LCMT1: variants seen among roughly 807,000 people sequenced by gnomAD.
LCMT1 encodes the protein [Phosphatase 2A protein]-leucine-carboxy methyltransferase 1.
A neutral mutation model predicts 47.7 loss-of-function variants in LCMT1; 32 were observed. That is an observed-to-expected ratio of 0.67 (90% confidence interval 0.51 to 0.90). LCMT1 has a LOEUF of 0.90. Among genes scored for constraint, LCMT1 ranks in the 40% least tolerant of loss-of-function variants. The pLI is 0.00. For synonymous variants in LCMT1, 152 were observed against 149.7 expected (o/e 1.02, Z -0.11); for missense variants, 375 against 415.2 (o/e 0.90, Z 0.84).
chr16:25,144,149 A>G (rs1415691900), intron 4 of LCMT1: 1 of 152,252 alleles, frequency 6.6e-6, no homozygotes, highest in African/African-American at 2.4e-5. Flanking sequence ...GAGAAGTTGG[A>G]TTGGATCCTT....
chr16:25,124,964 G>A (rs759545738), intron 1 of LCMT1, among the ~76,000 whole-genome samples: 3 of 152,228 alleles, frequency 2.0e-5, no homozygotes, highest in Non-Finnish European at 4.4e-5. Context: ...AAATTGAACA[G>A]GTGGCATGTG....
At chr16:25,112,090 A>G in intron 1 of LCMT1, 94 bp downstream of exon 1, 5 of 823,246 alleles carry the variant, frequency 6.1e-6, no homozygotes, top group Middle Eastern at 2.2e-4. Context: ...CAAGGCTGGC[A>G]GGGATGCAGC....
At chr16:25,162,864 G>A (rs1169858934) in intron 6 of LCMT1, among the ~76,000 whole-genome samples, 13 of 96,810 alleles carry the variant, frequency 1.3e-4, no homozygotes, top group East Asian at 9.4e-4. Flanking sequence ...TATGCTATGC[G>A]TATAATTTTG....
chr16:25,160,743 C>A, intron 5 of LCMT1: 2 of 525,580 alleles, frequency 3.8e-6, no homozygotes, highest in Non-Finnish European at 7.6e-6. Context: ...AGAAGGATGT[C>A]CCTGATGCTG....
intron 4 of LCMT1, chr16:25,149,117 A>G (rs1354664152): frequency 6.6e-6 from 1 of 152,260 alleles, no homozygotes; most frequent in Non-Finnish European, 1.5e-5. Context: ...GCCAGAGGCA[A>G]CAAGGCTGTA....
intron 6 of LCMT1, among the ~76,000 whole-genome samples, chr16:25,164,197 CT>C (rs1961518071): frequency 6.6e-6 from 1 of 152,244 alleles, no homozygotes; most frequent in South Asian, 2.1e-4. Flanking sequence ...ATCATGTTTG[CT>C]ACTGTCCTGT....
intron 1 of LCMT1, among the ~76,000 whole-genome samples, chr16:25,123,162 A>G (rs1392900883): frequency 6.6e-6 from 1 of 151,220 alleles, no homozygotes; most frequent in Non-Finnish European, 1.5e-5. Context: ...CCCCATACCA[A>G]CTATTTAATG....
intron 1 of LCMT1, among the ~76,000 whole-genome samples, chr16:25,127,164 A>G (rs981568890): frequency 6.6e-6 from 1 of 152,226 alleles, no homozygotes; most frequent in Non-Finnish European, 1.5e-5. Flanking sequence ...AAGAGTAAGC[A>G]TCATAAATGT....
At position 25,132,858 on chromosome 16, in the gene LCMT1, C is replaced by CTTTTTTTTTTTT. The variant is rs34311865; in HGVS notation, c.327+341_327+352dup. 2.8e-3 allele frequency among the ~76,000 whole-genome samples: 387 copies of CTTTTTTTTTTTT among 140,504 alleles called. 10 individuals carry two copies. Among genetic ancestry groups the CTTTTTTTTTTTT allele is most frequent in the African/African-American group, 9.9e-3 (367 of 36,916 alleles). The allele number at this position is 140,504 out of a possible 152,430, so 92.2% of individuals were successfully genotyped here. ...GGAGAGCTCATGCATGCATTTGTAA[C>CTTTTTTTTTTTT]TTTTTTTTTTTTTTTTTGAGCCAGA... On this transcript the variant is annotated intron_variant, in intron 3 of 10. Coordinates refer to ENST00000399069, the MANE Select transcript of LCMT1 (RefSeq NM_016309.3).
chr16:25,115,769 C>T (rs1959765179), intron 1 of LCMT1, among the ~76,000 whole-genome samples: 1 of 152,170 alleles, frequency 6.6e-6, no homozygotes, highest in African/African-American at 2.4e-5. Flanking sequence ...CCTCTCCCTC[C>T]CGGGTTCAAG....
At chr16:25,124,744 G>T (rs1325635863) in intron 1 of LCMT1, among the ~76,000 whole-genome samples, 1 of 152,208 alleles carries the variant, frequency 6.6e-6, no homozygotes, top group Non-Finnish European at 1.5e-5. Flanking sequence ...GTGGAGACAG[G>T]TCTCAGTCAG....
chr16:25,119,508 C>T (rs551047985), intron 1 of LCMT1, among the ~76,000 whole-genome samples: 3 of 152,182 alleles, frequency 2.0e-5, no homozygotes, highest in East Asian at 3.9e-4. Context: ...GAGGTCTTAA[C>T]GTTCTGGTTT....
chr16:25,124,500 G>A (rs1960098185), intron 1 of LCMT1, among the ~76,000 whole-genome samples: 1 of 152,318 alleles, frequency 6.6e-6, no homozygotes, highest in Middle Eastern at 3.4e-3. Context: ...GGATCTTATG[G>A]GGGTTCCTAT....
chr16:25,136,654 A>AT (rs1032206561), intron 3 of LCMT1, among the ~76,000 whole-genome samples: 1 of 151,964 alleles, frequency 6.6e-6, no homozygotes, highest in African/African-American at 2.4e-5. Flanking sequence ...GGTTCAAGCG[A>AT]TTCTCCTGCC....
chr16:25,121,442 AT>A (rs914723971), intron 1 of LCMT1, among the ~76,000 whole-genome samples: 21 of 152,148 alleles, frequency 1.4e-4, no homozygotes, highest in African/African-American at 3.6e-4. Flanking sequence ...ATTTCAAATT[AT>A]TTTTTTCTCT....
chr16:25,140,469 C>T (rs1321695843), intron 4 of LCMT1: 4 of 511,686 alleles, frequency 7.8e-6, no homozygotes, highest in African/African-American at 1.9e-5. Context: ...TCTATGGCTC[C>T]CCATGTAATT....
At chr16:25,150,590 T>C (rs913971201) in intron 4 of LCMT1, among the ~76,000 whole-genome samples, 1 of 152,082 alleles carries the variant, frequency 6.6e-6, no homozygotes, top group Non-Finnish European at 1.5e-5. Flanking sequence ...GTGATCTGCC[T>C]GCCTTGGCCT....
chr16:25,169,146 T>C lies in LCMT1; in HGVS notation c.725T>C (p.Ile242Thr), dbSNP rs1248474183. The C allele has an allele frequency of 2.5e-6, 4 of 1,613,658 alleles. No homozygotes were observed. The highest frequency in any genetic ancestry group is 3.3e-5 in the Admixed American group (2 of 60,030). ...GGTGATCGGTTTGGGCAGATCATGA[T>C]TGAAAACCTGCGGAGACGCCAGTGT... Reference protein sequence around the residue: ...NMGDRFGQIMIENLRRRQCDL... With the variant: ...NMGDRFGQIMTENLRRRQCDL... The change falls in exon 8 of 11, where the codon ATT (isoleucine) becomes ACT (threonine). Residue 242 changes from isoleucine to threonine, a missense_variant. Ile to Thr is a moderately conservative substitution (Grantham distance 89, BLOSUM62 -1). Coordinates refer to ENST00000399069, the MANE Select transcript of LCMT1 (RefSeq NM_016309.3).
intron 1 of LCMT1, among the ~76,000 whole-genome samples, chr16:25,112,976 A>T (rs1374648588): frequency 2.6e-5 from 4 of 151,908 alleles, no homozygotes; most frequent in Non-Finnish European, 5.9e-5. Context: ...CCCCATCTCT[A>T]CTAAAAATAC....
Sources: allele counts gnomAD v4.1 joint callset (sites outside exome capture counted in the v4.1 genomes callset), GRCh38; gene constraint gnomAD v4.1.1; transcripts MANE v1.5; gene names NCBI Gene and HGNC (gene_info 2026-07-23, HGNC 2026-07-21).